Variants in ARHGEF17 observed in about 807,000 individuals in gnomAD.
The protein encoded by ARHGEF17 is 164 kDa Rho-specific guanine-nucleotide exchange factor.
ARHGEF17 carries 80 observed loss-of-function variants against 174.0 expected under a neutral mutation model. The observed-to-expected ratio is 0.46, with a 90% CI of 0.38 to 0.55. The LOEUF is 0.55. ARHGEF17 is among the 20% of genes least tolerant of loss of function. The pLI, the probability that ARHGEF17 is intolerant of heterozygous loss-of-function variation, is 0.00. For synonymous variants in ARHGEF17, 1,311 were observed against 1,189.1 expected (o/e 1.10, Z -2.11); for missense variants, 2,886 against 2,839.7 (o/e 1.02, Z -0.37).
At position 73,362,416 on chromosome 11, in the gene ARHGEF17, A is replaced by G. The variant is rs577409969; in HGVS notation, c.4695-17A>G. On this transcript the variant is annotated splice_polypyrimidine_tract_variant and intron_variant, in intron 13 of 20. Coordinates refer to ENST00000263674, the MANE Select transcript of ARHGEF17 (RefSeq NM_014786.4). Reference sequence around the variant, plus strand: ...CTGGCTCGTAGCTGCTGTCATCCTCACTCCGTCTTCTCGCAGGGAGCCTCC... The same window carrying G: ...CTGGCTCGTAGCTGCTGTCATCCTCGCTCCGTCTTCTCGCAGGGAGCCTCC... 2.6e-6 allele frequency: 4 copies of G among 1,529,636 alleles called. No homozygotes were observed. Among genetic ancestry groups the G allele is most frequent in the East Asian group, 4.6e-5 (2 of 43,504 alleles). The allele number at this position is 1,529,636 out of a possible 1,614,324, so 94.8% of individuals were successfully genotyped here.
At position 73,356,285 on chromosome 11, in the gene ARHGEF17, C is replaced by T. The variant is rs751942733; in HGVS notation, c.3774C>T (p.Ala1258=). ...AERINKGVRS[A]EEAERHARVL... The stretch of plus-strand genomic sequence containing the variant: ...GCATCAACAAGGGTGTGCGGAGTGC[C>T]GAGGAGGCGGAGCGCCATGCCCGTG... Residue 1258 remains alanine, a synonymous_variant, in exon 6 of 21, where the codon GCC becomes GCT. Coordinates refer to ENST00000263674, the MANE Select transcript of ARHGEF17 (RefSeq NM_014786.4). 10 of 1,613,504 alleles carry T rather than the reference C, an allele frequency of 6.2e-6. No individual in the cohort carries two copies. In the South Asian group the frequency reaches 6.6e-5, roughly 11 times the overall value.
At position 73,310,964 on chromosome 11, in the gene ARHGEF17, G is replaced by A. The variant is rs1292660820; in HGVS notation, c.2326G>A (p.Asp776Asn). The A allele has an allele frequency of 6.2e-7, 1 of 1,614,202 alleles. No homozygotes were observed. Among genetic ancestry groups the A allele is most frequent in the South Asian group, 1.1e-5 (1 of 91,088 alleles). Residue 776 changes from aspartate to asparagine, a missense_variant, in exon 1 of 21, where the codon GAT (aspartate) becomes AAT (asparagine). This residue lies in a region of ARHGEF17 where 1,728 missense variants were observed against 1,461.2 expected (regional missense o/e 1.18). Transcript: ENST00000263674. ...KTGLPATSAM[D>N]EGLTSGHSDW... ...AGGGCTCCCTGCCACCTCAGCCATG[G>A]ATGAGGGCTTGACCAGTGGTCACAG...
At chr11:73,358,847 G>C (rs1348874590) in intron 9 of ARHGEF17, among the ~76,000 whole-genome samples, 1 of 152,164 alleles carries the variant, frequency 6.6e-6, no homozygotes, top group African/African-American at 2.4e-5. Context: ...GGCAACAGCA[G>C]AGCTGTTCCC....
intron 1 of ARHGEF17, among the ~76,000 whole-genome samples, chr11:73,341,355 A>C (rs1432892372): frequency 6.6e-6 from 1 of 151,894 alleles, no homozygotes; most frequent in African/African-American, 2.4e-5. Flanking sequence ...CAATGGTGCG[A>C]CCTCAGCTCA....
chr11:73,333,205 G>A (rs1481345059), intron 1 of ARHGEF17, among the ~76,000 whole-genome samples: 3 of 152,162 alleles, frequency 2.0e-5, no homozygotes, highest in South Asian at 2.1e-4. Context: ...TTTAAAGGCC[G>A]AAACTCTAGA....
In ARHGEF17 at chr11:73,361,901, A is replaced by T. The variant is rs982155306; in HGVS notation, c.4495-139A>T. On this transcript the variant is annotated intron_variant, in intron 12 of 20. Transcript: ENST00000263674. ...GCCGCGTGTATGTGTACGCGTGTGT[A>T]GAAGGGTGTATAGGGCATCCACACA... 3.3e-6 allele frequency: 3 copies of T among 917,412 alleles called. No homozygotes were observed. In the African/African-American group the frequency reaches 5.5e-5, roughly 17 times the overall value. 56.8% of individuals were successfully genotyped at this position (917,412 alleles called of 1,614,324 possible). A position where few individuals can be genotyped will look rare whatever the true frequency, so the allele number is the denominator to read the frequency against.
At chr11:73,348,070 GC>G (rs1253987429) in intron 2 of ARHGEF17, among the ~76,000 whole-genome samples, 1 of 152,174 alleles carries the variant, frequency 6.6e-6, no homozygotes, top group Non-Finnish European at 1.5e-5. Flanking sequence ...ATGGCCTGGG[GC>G]TGGATGAGTG....
chr11:73,318,812 C>T lies in ARHGEF17; in HGVS notation c.3192+6982C>T, dbSNP rs181321726. Among the ~76,000 whole-genome samples, 3 of 152,364 alleles carry T rather than the reference C, an allele frequency of 2.0e-5. No individual in the cohort carries two copies. The East Asian group carries it at 5.8e-4, about 29-fold the overall frequency. The stretch of plus-strand genomic sequence containing the variant: ...AGTGTCCTGTTGCTGCAGTAGCAAA[C>T]TACACACATCTAGTGGTTGAAAACA... On this transcript the variant is annotated intron_variant, in intron 1 of 20. Coordinates refer to ENST00000263674, the MANE Select transcript of ARHGEF17 (RefSeq NM_014786.4).
intron 1 of ARHGEF17, among the ~76,000 whole-genome samples, chr11:73,340,475 A>G (rs757436879): frequency 2.6e-5 from 4 of 152,250 alleles, no homozygotes; most frequent in Non-Finnish European, 4.4e-5. Flanking sequence ...GCTGAGCCCT[A>G]TGAGAAAAAG....
rs1051894852 is a variant in ARHGEF17, at chr11:73,362,342, C to A, written c.4695-91C>A. The A allele has an allele frequency of 3.0e-5, 44 of 1,445,718 alleles. No homozygotes were observed. The South Asian group carries it at 5.8e-4, about 19-fold the overall frequency. The allele number at this position is 1,445,718 out of a possible 1,614,324, so 89.6% of individuals were successfully genotyped here. A position where few individuals can be genotyped will look rare whatever the true frequency, so the allele number is the denominator to read the frequency against. On this transcript the variant is annotated intron_variant, in intron 13 of 20. Coordinates refer to ENST00000263674, the MANE Select transcript of ARHGEF17 (RefSeq NM_014786.4). Reference sequence around the variant, plus strand: ...CCCCGGCGTGGTTGTGGGCGGGGCCCGGCGAGTGTGGGCGGGGTCGGTGGG... The same window carrying A: ...CCCCGGCGTGGTTGTGGGCGGGGCCAGGCGAGTGTGGGCGGGGTCGGTGGG...
At chr11:73,321,997 GGCTGCCAGCCAGCCCCACA>G (rs1865025162) in intron 1 of ARHGEF17, among the ~76,000 whole-genome samples, 1 of 152,186 alleles carries the variant, frequency 6.6e-6, no homozygotes, top group Non-Finnish European at 1.5e-5. Context: ...CAGAGTTCCT[GGCTGCCAGCCAGCCCCACA>G]GCCGGGCCTC....
intron 12 of ARHGEF17, 48 bp downstream of exon 12, chr11:73,361,209 G>A (rs776472091): frequency 2.7e-5 from 43 of 1,571,724 alleles, no homozygotes; most frequent in Admixed American, 6.8e-5. Context: ...AAAGCCAGCA[G>A]GTGTTCATGA....
intron 20 of ARHGEF17, among the ~76,000 whole-genome samples, chr11:73,366,292 C>G (rs1385825970): frequency 1.3e-5 from 2 of 151,816 alleles, no homozygotes; most frequent in East Asian, 3.9e-4. Flanking sequence ...CCTATATGCA[C>G]CAGGAAATAG....
chr11:73,308,919 T>C lies in ARHGEF17; in HGVS notation c.281T>C (p.Leu94Pro). The change falls in exon 1 of 21, where the codon CTG becomes CCG. Residue 94 changes from leucine to proline, a missense_variant. By Grantham distance (98) the Leu-to-Pro change is moderately conservative. Coordinates refer to ENST00000263674, the MANE Select transcript of ARHGEF17 (RefSeq NM_014786.4). Reference protein sequence around the residue: ...QLSRRFDAPRLDDGSAGTRDG... With the variant: ...QLSRRFDAPRPDDGSAGTRDG... ...TCCCGGCGCTTCGACGCGCCGCGTCTGGACGACGGCTCCGCTGGGACCCGA... is the reference window on the plus strand; with the variant it reads ...TCCCGGCGCTTCGACGCGCCGCGTCCGGACGACGGCTCCGCTGGGACCCGA... 7.3e-7 allele frequency: 1 copy of C among 1,365,366 alleles called. No individual in the cohort carries two copies. The highest frequency in any genetic ancestry group is 9.4e-7 in the Non-Finnish European group (1 of 1,065,582). The allele number at this position is 1,365,366 out of a possible 1,614,324, so 84.6% of individuals were successfully genotyped here. A position where few individuals can be genotyped will look rare whatever the true frequency, so the allele number is the denominator to read the frequency against.
At chr11:73,346,809 G>T in intron 1 of ARHGEF17, 74 bp from the exon 2 acceptor site, 1 of 1,206,736 alleles carries the variant, frequency 8.3e-7, no homozygotes, top group African/African-American at 1.6e-5. Flanking sequence ...GGTTCTCTGG[G>T]CACCATGTGG....
chr11:73,323,790 T>G (rs1336740283), intron 1 of ARHGEF17, among the ~76,000 whole-genome samples: 2 of 152,324 alleles, frequency 1.3e-5, no homozygotes, highest in South Asian at 4.1e-4. Context: ...GGTGGAGGAA[T>G]AGGAGAAGGG....
Position 73,359,815 on chromosome 11 carries a change from C to A in ARHGEF17, c.4088-19C>A. 1.3e-6 allele frequency: 2 copies of A among 1,571,142 alleles called. No individual in the cohort carries two copies. Among genetic ancestry groups the A allele is most frequent in the South Asian group, 2.4e-5 (2 of 83,252 alleles). Reference sequence around the variant, plus strand: ...TGTCTGTCTCTGTATCAGTCCACGGCCTTCCTCTCTCCCTCTAGGGGCATC... The same window carrying A: ...TGTCTGTCTCTGTATCAGTCCACGGACTTCCTCTCTCCCTCTAGGGGCATC... On this transcript the variant is annotated intron_variant, in intron 9 of 20. Transcript: ENST00000263674.
chr11:73,309,686 C>T lies in ARHGEF17; in HGVS notation c.1048C>T (p.Pro350Ser), dbSNP rs966120895. The part of the protein sequence containing the change: ...GLREWGSGSP[P>S]CVPGPQEGLR... ...CCGGGAGTGGGGTAGTGGCTCTCCG[C>T]CCTGCGTCCCAGGTCCCCAGGAGGG... Residue 350 changes from proline to serine, a missense_variant, in exon 1 of 21, where the codon CCC (proline) becomes TCC (serine). Physicochemically the swap from Pro to Ser is moderately conservative, Grantham distance 74. Coordinates refer to ENST00000263674, the MANE Select transcript of ARHGEF17 (RefSeq NM_014786.4). The T allele has an allele frequency of 3.1e-6, 5 of 1,612,946 alleles. No homozygotes were observed. The highest frequency in any genetic ancestry group is 1.3e-5 in the African/African-American group (1 of 74,942).
At position 73,356,494 on chromosome 11, in the gene ARHGEF17, GC is replaced by G. The variant is rs1357554989; in HGVS notation, c.3840+145del. 7 of 1,193,866 alleles carry G rather than the reference GC, an allele frequency of 5.9e-6. No individual in the cohort carries two copies. In the African/African-American group the frequency reaches 7.5e-5, roughly 13 times the overall value. The allele number at this position is 1,193,866 out of a possible 1,614,324, so 74.0% of individuals were successfully genotyped here. The stretch of plus-strand genomic sequence containing the variant: ...AGTGTGTTTGCATCCATGTCTGCCA[GC>G]CTCTGTGGCCACACGTCTCCACCTG... On this transcript the variant is annotated intron_variant, in intron 6 of 20. Coordinates refer to ENST00000263674, the MANE Select transcript of ARHGEF17 (RefSeq NM_014786.4).
Sources: allele counts gnomAD v4.1 joint callset (sites outside exome capture counted in the v4.1 genomes callset), GRCh38; gene constraint gnomAD v4.1.1; regional missense constraint gnomAD v4.1.1; transcripts MANE v1.5; gene names NCBI Gene and HGNC (gene_info 2026-07-23, HGNC 2026-07-21).